The following MICU1 variants were observed in gnomAD, a reference collection of about 807,000 sequenced individuals.
MICU1 encodes the protein calcium uptake protein 1, mitochondrial.
MICU1 carries 45 observed loss-of-function variants against 56.8 expected under a neutral mutation model. The ratio of observed to expected loss-of-function variants is 0.79; its 90% CI spans 0.62 to 1.02. The LOEUF (loss-of-function observed/expected upper bound fraction) is 1.02, where lower values mean the gene tolerates loss of function less well. Among genes scored for constraint, MICU1 ranks in the 50% least tolerant of loss-of-function variants. The pLI is 0.00. For missense variants in MICU1, 504 were observed against 587.1 expected, an observed-to-expected ratio of 0.86 and a Z score of 1.46; for synonymous variants, 186 against 195.1, an observed-to-expected ratio of 0.95 and a Z score of 0.39.
chr10:72,524,753 A>C, intron 5 of MICU1: 1 of 1,231,628 alleles, frequency 8.1e-7, no homozygotes, highest in Non-Finnish European at 1.0e-6. Flanking sequence ...AATCCTAATC[A>C]GAAGATGAGA....
At chr10:72,409,806 G>A (rs1198526465) in intron 9 of MICU1, among the ~76,000 whole-genome samples, 1 of 152,098 alleles carries the variant, frequency 6.6e-6, no homozygotes, top group African/African-American at 2.4e-5. Flanking sequence ...TGACTATATA[G>A]AAAGGTGCAT....
chr10:72,502,847 A>C (rs968996806), intron 6 of MICU1: 1 of 164,430 alleles, frequency 6.1e-6, no homozygotes, highest in Non-Finnish European at 1.3e-5. Context: ...TAAAGTAGAC[A>C]ATGCAGTGTG....
At chr10:72,599,686 T>C (rs764713759) in intron 1 of MICU1, among the ~76,000 whole-genome samples, 1 of 152,110 alleles carries the variant, frequency 6.6e-6, no homozygotes, top group Non-Finnish European at 1.5e-5. Flanking sequence ...CCCTCCCTTC[T>C]TTCTTCCTTC....
chr10:72,508,335 G>A (rs980984800), intron 5 of MICU1, 66 bp from the exon 6 acceptor site: 8 of 620,396 alleles, frequency 1.3e-5, no homozygotes, highest in African/African-American at 1.3e-4. Flanking sequence ...TAAATAGTAA[G>A]AGATGAATCA....
At position 72,562,788 on chromosome 10, in the gene MICU1, C is replaced by T. The variant is rs952006849; in HGVS notation, c.330+107G>A. 11 of 988,874 alleles carry T rather than the reference C, an allele frequency of 1.1e-5. No individual in the cohort carries two copies. The African/African-American group carries it at 1.8e-4, about 17-fold the overall frequency. The allele number at this position is 988,874 out of a possible 1,614,324, so 61.3% of individuals were successfully genotyped here. A position where few individuals can be genotyped will look rare whatever the true frequency, so the allele number is the denominator to read the frequency against. On this transcript the variant is annotated intron_variant, in intron 3 of 11. Transcript: ENST00000361114. ...ATAGAAAATAGCAAAGAAGTGATAA[C>T]TTGAAAGTGAAGATGAACCATCTGA...
intron 5 of MICU1, among the ~76,000 whole-genome samples, chr10:72,532,655 G>A (rs746142564): frequency 6.6e-6 from 1 of 152,142 alleles, no homozygotes; most frequent in Non-Finnish European, 1.5e-5. Context: ...ACCTTGAGCC[G>A]AGGTCTCCTA....
At chr10:72,574,740 C>T (rs866090754) in intron 1 of MICU1, among the ~76,000 whole-genome samples, 2 of 151,888 alleles carry the variant, frequency 1.3e-5, no homozygotes, top group East Asian at 1.9e-4. Flanking sequence ...TGGCAAGTCA[C>T]CAGCGTATCC....
Position 72,563,077 on chromosome 10 carries a change from A to G in MICU1, c.162-14T>C. The G allele has an allele frequency of 6.6e-7, 1 of 1,505,220 alleles. No homozygotes were observed. Among genetic ancestry groups the G allele is most frequent in the Non-Finnish European group, 8.9e-7 (1 of 1,128,166 alleles). 93.2% of individuals were successfully genotyped at this position (1,505,220 alleles called of 1,614,324 possible). The stretch of plus-strand genomic sequence containing the variant: ...TCTGCATGGGCCCTGGATATGCAAA[A>G]AAGAAATCTAGATTAATCTTGAACG... On this transcript the variant is annotated splice_polypyrimidine_tract_variant and intron_variant, in intron 2 of 11. Transcript: ENST00000361114.
chr10:72,442,571 G>A (rs1864971781), intron 8 of MICU1, among the ~76,000 whole-genome samples: 1 of 152,172 alleles, frequency 6.6e-6, no homozygotes, highest in Non-Finnish European at 1.5e-5. Context: ...AAGACGACTT[G>A]TTTTATGCTA....
intron 1 of MICU1, among the ~76,000 whole-genome samples, chr10:72,571,161 C>T (rs1442698123): frequency 6.6e-6 from 1 of 152,100 alleles, no homozygotes; most frequent in Non-Finnish European, 1.5e-5. Flanking sequence ...GTCAGGAGTT[C>T]GAGACCAGCC....
At chr10:72,520,549 T>G (rs1200050581) in intron 5 of MICU1, among the ~76,000 whole-genome samples, 3 of 152,128 alleles carry the variant, frequency 2.0e-5, no homozygotes, top group Admixed American at 1.3e-4. Context: ...TGCAACAAAC[T>G]GGAAGGTGAA....
At chr10:72,437,073 G>C (rs952373027) in intron 8 of MICU1, among the ~76,000 whole-genome samples, 1 of 152,132 alleles carries the variant, frequency 6.6e-6, no homozygotes, top group African/African-American at 2.4e-5. Flanking sequence ...CTCGAGAAGA[G>C]CAGCTCCAAG....
chr10:72,554,555 G>C (rs1162218428), intron 3 of MICU1, among the ~76,000 whole-genome samples: 1 of 152,098 alleles, frequency 6.6e-6, no homozygotes, highest in Admixed American at 6.5e-5. Flanking sequence ...AGATTAAGAG[G>C]CTTTAAAGAT....
chr10:72,489,320 AC>A (rs1564898339), intron 6 of MICU1, among the ~76,000 whole-genome samples: 36 of 142,388 alleles, frequency 2.5e-4, no homozygotes, highest in Middle Eastern at 3.4e-3. Context: ...ACACACACAC[AC>A]ACAAAAATAA....
At chr10:72,494,216 C>T (rs1469032344) in intron 6 of MICU1, among the ~76,000 whole-genome samples, 1 of 152,068 alleles carries the variant, frequency 6.6e-6, no homozygotes, top group African/African-American at 2.4e-5. Flanking sequence ...TAAGGTAGAG[C>T]CAGAATGCTG....
At chr10:72,602,296 C>G (rs1178172702) in intron 1 of MICU1, among the ~76,000 whole-genome samples, 1 of 150,674 alleles carries the variant, frequency 6.6e-6, no homozygotes, top group Non-Finnish European at 1.5e-5. Context: ...ACTAAAAATA[C>G]AAAAATTAGC....
intron 1 of MICU1, among the ~76,000 whole-genome samples, chr10:72,595,447 CAAA>C (rs1255926638): frequency 2.4e-5 from 1 of 41,178 alleles, no homozygotes; most frequent in Non-Finnish European, 5.1e-5. Flanking sequence ...GACTCTGTCT[CAAA>C]AAAAAAAAAA....
chr10:72,623,336 A>C (rs1842153402), intron 1 of MICU1, among the ~76,000 whole-genome samples: 1 of 146,398 alleles, frequency 6.8e-6, no homozygotes, highest in East Asian at 2.0e-4. Flanking sequence ...AGAAAAGAAA[A>C]GGGAAGGGGA....
chr10:72,529,107 T>A (rs914172270), intron 5 of MICU1, among the ~76,000 whole-genome samples: 2 of 152,258 alleles, frequency 1.3e-5, no homozygotes, highest in Non-Finnish European at 2.9e-5. Context: ...ATATTTCATT[T>A]TTATTTGATG....
Sources: gnomAD v4.1 joint callset for allele counts (sites outside exome capture counted in the v4.1 genomes callset) on GRCh38, gnomAD v4.1.1 for gene constraint, MANE v1.5 for transcripts, NCBI Gene and HGNC (gene_info 2026-07-23, HGNC 2026-07-21) for gene names.